SLC51A: variants seen among roughly 807,000 people sequenced by gnomAD.
The protein encoded by SLC51A is solute carrier family 51 member A.
A neutral mutation model predicts 34.8 loss-of-function variants in SLC51A; 22 were observed. That is an observed-to-expected ratio of 0.63 (90% CI 0.45 to 0.90). The LOEUF (loss-of-function observed/expected upper bound fraction) is 0.90, where lower values mean the gene tolerates loss of function less well. Among genes scored for constraint, SLC51A ranks in the 40% least tolerant of loss-of-function variants. SLC51A has a pLI of 0.00. For missense variants in SLC51A, 371 were observed against 414.8 expected (o/e 0.89, Z 0.92); for synonymous variants, 181 against 176.3 (o/e 1.03, Z -0.21).
rs1370653703 is a variant in SLC51A, at chr3:196,233,326, C to T, written c.*127C>T. The T allele has an allele frequency of 1.9e-6, 2 of 1,057,314 alleles. No homozygotes were observed. The highest frequency in any genetic ancestry group is 1.6e-5 in the African/African-American group (1 of 62,830). The allele number at this position is 1,057,314 out of a possible 1,614,324, so 65.5% of individuals were successfully genotyped here. ...AACACAAGCTGGCAGATACATTTGA[C>T]TCTACAGATGAAGGTGAACAATGTT... On this transcript the variant is annotated 3_prime_UTR_variant, in exon 9 of 9. Coordinates refer to ENST00000296327, the MANE Select transcript of SLC51A (RefSeq NM_152672.6).
chr3:196,224,713 TGGGAGG>T (rs1723852460), intron 2 of SLC51A, among the ~76,000 whole-genome samples: 1 of 49,574 alleles, frequency 2.0e-5, no homozygotes, highest in African/African-American at 7.8e-5. Context: ...GGGGAGGAGA[TGGGAGG>T]GGAGGAGAGG....
intron 2 of SLC51A, among the ~76,000 whole-genome samples, chr3:196,221,443 T>A (rs1723753913): frequency 6.6e-6 from 1 of 151,832 alleles, no homozygotes; most frequent in Non-Finnish European, 1.5e-5. Flanking sequence ...AACTTTCAAT[T>A]TTTGTAGAGA....
chr3:196,231,790 T>G (rs1182366277), intron 7 of SLC51A, among the ~76,000 whole-genome samples: 3 of 152,246 alleles, frequency 2.0e-5, no homozygotes, highest in Admixed American at 6.5e-5. Context: ...TAAATGGTGC[T>G]TCCAGGGCTT....
At chr3:196,220,383 G>T (rs1198503281) in intron 2 of SLC51A, among the ~76,000 whole-genome samples, 1 of 152,234 alleles carries the variant, frequency 6.6e-6, no homozygotes, top group East Asian at 1.9e-4. Context: ...GATCATCTGC[G>T]GTCAAGAGTT....
chr3:196,220,075 C>T (rs570344834), intron 2 of SLC51A, among the ~76,000 whole-genome samples: 2 of 152,270 alleles, frequency 1.3e-5, no homozygotes, highest in South Asian at 2.1e-4. Flanking sequence ...CCCAGGGGAG[C>T]GAGGTCTGGC....
At chr3:196,225,667 C>A (rs1723875344) in intron 2 of SLC51A, 1 of 152,218 alleles carries the variant, frequency 6.6e-6, no homozygotes, top group South Asian at 2.1e-4. Flanking sequence ...CTAACGGCTG[C>A]ATTAATGAAT....
Position 196,232,522 on chromosome 3 carries a change from A to C in SLC51A, c.884A>C (p.Gln295Pro). The part of the protein sequence containing the change: ...SPPYSSKTRS[Q>P]VMNCHLLILE... ...CCCTATTCCTCTAAAACCAGGTCTC[A>C]AGGTGAGCACGTTAAGCCTCCTGTC... The change falls in exon 8 of 9, where the codon CAA becomes CCA. Residue 295 changes from glutamine (Q) to proline (P), a missense_variant and splice_region_variant. Gln to Pro is a moderately conservative substitution (Grantham distance 76). Transcript: ENST00000296327. The C allele has an allele frequency of 1.2e-6, 2 of 1,612,170 alleles. No homozygotes were observed. The highest frequency in any genetic ancestry group is 1.7e-6 in the Non-Finnish European group (2 of 1,178,176).
chr3:196,229,023 A>C, intron 6 of SLC51A, 103 bp downstream of exon 6: 1 of 970,020 alleles, frequency 1.0e-6, no homozygotes, highest in Non-Finnish European at 1.6e-6. Context: ...GGGCCCCAGA[A>C]AAGGGTGGCT....
intron 2 of SLC51A, among the ~76,000 whole-genome samples, 158 bp from the exon 3 acceptor site, chr3:196,226,805 AAG>A (rs1354204663): frequency 2.2e-4 from 33 of 151,048 alleles, no homozygotes; most frequent in East Asian, 7.7e-4. Flanking sequence ...AGAAAAAAAA[AAG>A]ACTATTTCTT....
chr3:196,229,890 A>G lies in SLC51A; in HGVS notation c.634-25A>G, dbSNP rs1295317559. The G allele has an allele frequency of 3.8e-6, 6 of 1,580,730 alleles. No homozygotes were observed. In the South Asian group the frequency reaches 7.0e-5, roughly 18 times the overall value. On this transcript the variant is annotated intron_variant, in intron 6 of 8. Transcript: ENST00000296327. The stretch of plus-strand genomic sequence containing the variant: ...GAGAGAGAGAGAGCTTGCCTGCCTC[A>G]CTGACTACTTTCTGTTGCCACCAGA...
intron 2 of SLC51A, among the ~76,000 whole-genome samples, chr3:196,223,012 A>G (rs1237033878): frequency 6.6e-6 from 1 of 151,628 alleles, no homozygotes; most frequent in African/African-American, 2.4e-5. Context: ...CCCCACCCTC[A>G]CCTTCATAAA....
Position 196,226,965 on chromosome 3 carries a change from C to T in SLC51A, c.134C>T (p.Ala45Val), listed in dbSNP as rs770488941. 6 of 1,612,094 alleles carry T rather than the reference C, an allele frequency of 3.7e-6. No homozygotes were observed. The highest frequency in any genetic ancestry group is 4.2e-6 in the Non-Finnish European group (5 of 1,178,918). Residue 45 changes from alanine to valine, a missense_variant and splice_region_variant, in exon 3 of 9, where the codon GCC becomes GTC. Physicochemically the swap from Ala to Val is moderately conservative, Grantham distance 64 (BLOSUM62 0). Transcript: ENST00000296327. ...AGCTCTCTGCCTTCTCCTCCTCTAG[C>T]CCTGGGCCCTGTGGAACTTGCCCTC... Reference protein sequence around the residue: ...QPPTAAQLLRALGPVELALTS... With the variant: ...QPPTAAQLLRVLGPVELALTS...
intron 2 of SLC51A, among the ~76,000 whole-genome samples, chr3:196,221,999 T>G (rs1029863709): frequency 2.6e-5 from 4 of 152,164 alleles, no homozygotes; most frequent in African/African-American, 9.6e-5. Context: ...ATGACAGGCG[T>G]GAGCCCCCCC....
At chr3:196,217,477 C>CT (rs1472799182) in intron 1 of SLC51A, among the ~76,000 whole-genome samples, 2 of 151,616 alleles carry the variant, frequency 1.3e-5, no homozygotes, top group African/African-American at 4.9e-5. Context: ...GAGGTCAAGG[C>CT]TGCCTGTATG....
In SLC51A at chr3:196,219,998, G is replaced by A. The variant is rs574805912; in HGVS notation, c.133+2062G>A. Among the ~76,000 whole-genome samples the A allele has an allele frequency of 2.6e-4, 40 of 152,382 alleles. No individual in the cohort carries two copies. In the South Asian group the frequency reaches 6.8e-3, roughly 26 times the overall value. On this transcript the variant is annotated intron_variant, in intron 2 of 8. Coordinates refer to ENST00000296327, the MANE Select transcript of SLC51A (RefSeq NM_152672.6). ...CAAGCCTCGCCGCAGGCAGAGTGGG[G>A]AGGATTTGGCCAGCGGGCCCTCCTG...
chr3:196,225,202 G>A (rs1411652084), intron 2 of SLC51A, among the ~76,000 whole-genome samples: 1 of 151,972 alleles, frequency 6.6e-6, no homozygotes, highest in Non-Finnish European at 1.5e-5. Context: ...TTGGACTCCT[G>A]GCCTCAAGTG....
At chr3:196,229,756 A>T in intron 6 of SLC51A, 159 bp from the exon 7 acceptor site, 1 of 715,326 alleles carries the variant, frequency 1.4e-6, no homozygotes, top group Non-Finnish European at 2.1e-6. Context: ...CAGAAGCCTG[A>T]GGCGAGGGGA....
intron 6 of SLC51A, among the ~76,000 whole-genome samples, chr3:196,229,582 G>T (rs1366414065): frequency 2.0e-5 from 3 of 151,274 alleles, no homozygotes; most frequent in African/African-American, 7.3e-5. Context: ...TCTCCATGTT[G>T]GTCAGGCTGG....
chr3:196,232,836 AAGAAATGGACTGTATGCC>A, intron 8 of SLC51A: 1 of 592,284 alleles, frequency 1.7e-6, no homozygotes, highest in Non-Finnish European at 3.0e-6. Flanking sequence ...GAACACACAT[AAGAAATGGACTGTATGCC>A]AGCCTCAGAG....
Sources: allele counts gnomAD v4.1 joint callset (sites outside exome capture counted in the v4.1 genomes callset), GRCh38; gene constraint gnomAD v4.1.1; transcripts MANE v1.5; gene names NCBI Gene and HGNC (gene_info 2026-07-23, HGNC 2026-07-21).